GNAO1: variants seen among roughly 807,000 people sequenced by gnomAD.
GNAO1 encodes guanine nucleotide-binding protein G(o) subunit alpha.
For missense variants in GNAO1, 166 were observed against 478.7 expected (o/e 0.35, Z 6.10); for synonymous variants, 164 against 180.7 (o/e 0.91, Z 0.74).
chr16:56,344,558 C>G (rs2037843362), intron 6 of GNAO1: 1 of 986,370 alleles, frequency 1.0e-6, no homozygotes, highest in South Asian at 4.7e-5. Context: ...CCTTTGCTCT[C>G]CCAGAGAACT....
rs145141671 is a variant in GNAO1, at chr16:56,219,166, C to T, written c.161+26550C>T. Among the ~76,000 whole-genome samples the T allele has an allele frequency of 7.4e-4, 113 of 152,310 alleles. 1 individual carries two copies. In the East Asian group the frequency reaches 0.019, roughly 26 times the overall value. ...TGCCAACGGACATGTTAGTGCACCC[C>T]GGGAGTGTACTGGTGCCCAATGACC... On this transcript the variant is annotated intron_variant, in intron 2 of 8. Transcript: ENST00000262493.
At chr16:56,286,912 G>A (rs12598649) in intron 3 of GNAO1, among the ~76,000 whole-genome samples, 43,431 of 151,988 alleles carry the variant, frequency 0.29, 6,580 homozygotes, top group Middle Eastern at 0.38. Context: ...GCCACCAGCC[G>A]CCCACAGATC....
chr16:56,235,979 C>T (rs1465278852), intron 2 of GNAO1, among the ~76,000 whole-genome samples: 2 of 152,158 alleles, frequency 1.3e-5, no homozygotes, highest in Admixed American at 1.3e-4. Flanking sequence ...AAGGCTCTCC[C>T]GTTTTCACTG....
intron 2 of GNAO1, among the ~76,000 whole-genome samples, chr16:56,261,520 A>G (rs1482871421): frequency 5.3e-5 from 8 of 152,152 alleles, no homozygotes; most frequent in Non-Finnish European, 1.0e-4. Flanking sequence ...AAGAACAGGA[A>G]GGGAAAAATC....
chr16:56,323,428 C>T (rs745409099), intron 3 of GNAO1, among the ~76,000 whole-genome samples: 5 of 152,170 alleles, frequency 3.3e-5, no homozygotes, highest in Non-Finnish European at 7.3e-5. Flanking sequence ...TTGACCTAGG[C>T]TGTTTTTGGA....
At chr16:56,208,485 G>A (rs2036354028) in intron 2 of GNAO1, among the ~76,000 whole-genome samples, 1 of 151,928 alleles carries the variant, frequency 6.6e-6, no homozygotes, top group South Asian at 2.1e-4. Flanking sequence ...GTATTCTGGG[G>A]CACATGCATT....
chr16:56,335,335 A>G (rs2037730547), intron 5 of GNAO1, among the ~76,000 whole-genome samples: 1 of 152,234 alleles, frequency 6.6e-6, no homozygotes, highest in Admixed American at 6.5e-5. Flanking sequence ...TGACAAGAGC[A>G]GGGCTTTTCC....
At chr16:56,282,098 G>A (rs1339627824) in intron 3 of GNAO1, among the ~76,000 whole-genome samples, 2 of 152,124 alleles carry the variant, frequency 1.3e-5, no homozygotes, top group Non-Finnish European at 2.9e-5. Flanking sequence ...CTCCTTAAGG[G>A]CAGAGTGTAG....
chr16:56,353,984 T>A (rs532252193), intron 7 of GNAO1, among the ~76,000 whole-genome samples: 16 of 152,324 alleles, frequency 1.1e-4, no homozygotes, highest in African/African-American at 3.6e-4. Flanking sequence ...CTTGGGGACA[T>A]CAATGCCCCA....
At chr16:56,312,255 C>T (rs1414480034) in intron 3 of GNAO1, among the ~76,000 whole-genome samples, 3 of 152,188 alleles carry the variant, frequency 2.0e-5, no homozygotes, top group South Asian at 2.1e-4. Flanking sequence ...GCTGAGGGAC[C>T]GTCAGCAAGT....
chr16:56,304,358 A>G (rs1449562593), intron 3 of GNAO1, among the ~76,000 whole-genome samples: 3 of 152,226 alleles, frequency 2.0e-5, no homozygotes, highest in Non-Finnish European at 4.4e-5. Context: ...GTGCTCTTGA[A>G]ATATTGTTCA....
chr16:56,241,323 C>T (rs1209278183), intron 2 of GNAO1, among the ~76,000 whole-genome samples: 4 of 152,174 alleles, frequency 2.6e-5, no homozygotes, highest in African/African-American at 7.2e-5. Flanking sequence ...TCCTCAGGCT[C>T]ATGTGCAGCA....
chr16:56,197,590 A>ACAAC (rs2036244894), intron 2 of GNAO1, among the ~76,000 whole-genome samples: 2 of 152,208 alleles, frequency 1.3e-5, no homozygotes, highest in Admixed American at 6.5e-5. Context: ...TGCTTGTTGA[A>ACAAC]AAGGGTTGTT....
intron 3 of GNAO1, among the ~76,000 whole-genome samples, chr16:56,316,663 G>T (rs1053114297): frequency 7.2e-5 from 11 of 152,092 alleles, no homozygotes; most frequent in Non-Finnish European, 1.5e-4. Flanking sequence ...CTGAGGCCCA[G>T]ACCCTGCCTC....
At chr16:56,330,658 GAGCTC>G (rs1361581160) in intron 4 of GNAO1, among the ~76,000 whole-genome samples, 7 of 152,170 alleles carry the variant, frequency 4.6e-5, no homozygotes, top group Non-Finnish European at 1.0e-4. Context: ...GGAATCGAGG[GAGCTC>G]AGCTCACCTT....
intron 3 of GNAO1, among the ~76,000 whole-genome samples, chr16:56,295,901 G>T (rs377292617): frequency 4.6e-5 from 7 of 152,318 alleles, no homozygotes; most frequent in South Asian, 2.1e-4. Context: ...TGTCACTGGC[G>T]TCTTCCTTGG....
chr16:56,330,079 C>T (rs758783729), intron 4 of GNAO1, among the ~76,000 whole-genome samples: 1 of 152,204 alleles, frequency 6.6e-6, no homozygotes, highest in African/African-American at 2.4e-5. Context: ...TGAGCAAGGC[C>T]GGGAGCGGCT....
intron 6 of GNAO1, among the ~76,000 whole-genome samples, chr16:56,343,329 AAATAAT>A (rs59805466): frequency 1.4e-5 from 2 of 146,782 alleles, no homozygotes; most frequent in Non-Finnish European, 3.0e-5. Context: ...TCTGTATTAA[AAATAAT>A]AATAATAATA....
intron 4 of GNAO1, among the ~76,000 whole-genome samples, chr16:56,333,520 T>C (rs1373589093): frequency 3.3e-5 from 5 of 152,216 alleles, no homozygotes; most frequent in African/African-American, 1.2e-4. Flanking sequence ...GCCAAGTTCA[T>C]TTTCTCGCAG....
Sources: gnomAD v4.1 joint callset for allele counts (sites outside exome capture counted in the v4.1 genomes callset) on GRCh38, gnomAD v4.1.1 for gene constraint, MANE v1.5 for transcripts, NCBI Gene and HGNC (gene_info 2026-07-23, HGNC 2026-07-21) for gene names.